COBLL1: variants seen among roughly 807,000 people sequenced by gnomAD.
COBLL1 encodes the protein cordon-bleu WH2 repeat protein like 1, also known as cordon-bleu protein-like 1.
COBLL1 carries 50 observed loss-of-function variants against 94.8 expected under a neutral mutation model. The observed-to-expected ratio is 0.53, with a 90% CI of 0.42 to 0.67. The LOEUF (loss-of-function observed/expected upper bound fraction) is 0.67, where lower values mean the gene tolerates loss of function less well. COBLL1 is among the 30% of genes least tolerant of loss of function. COBLL1 has a pLI of 0.00. For synonymous variants in COBLL1, 448 were observed against 473.8 expected (o/e 0.95, Z 0.71); for missense variants, 1,362 against 1,348.7 (o/e 1.01, Z -0.15).
intron 2 of COBLL1, among the ~76,000 whole-genome samples, chr2:164,819,954 C>A (rs543100630): frequency 6.7e-6 from 1 of 149,814 alleles, no homozygotes; most frequent in African/African-American, 2.5e-5. Flanking sequence ...GCCTCCCAAG[C>A]AGCTGGAATT....
At position 164,699,510 on chromosome 2, in the gene COBLL1, C is replaced by T. The variant is rs145983847; in HGVS notation, c.1461-11G>A. The stretch of plus-strand genomic sequence containing the variant: ...ACACTGTGTGGTTCTCTGGAAGATA[C>T]GACATTGTATGTTATATGTTGATAC... On this transcript the variant is annotated splice_polypyrimidine_tract_variant and intron_variant, in intron 10 of 13. Transcript: ENST00000652658. 3.0e-5 allele frequency: 46 copies of T among 1,516,014 alleles called. No individual in the cohort carries two copies. The highest frequency in any genetic ancestry group is 3.9e-5 in the Non-Finnish European group (43 of 1,091,410). The allele number at this position is 1,516,014 out of a possible 1,614,324, so 93.9% of individuals were successfully genotyped here.
intron 3 of COBLL1, among the ~76,000 whole-genome samples, chr2:164,738,775 T>C (rs1686450610): frequency 6.6e-6 from 1 of 152,196 alleles, no homozygotes; most frequent in African/African-American, 2.4e-5. Context: ...ATCTCTAATC[T>C]GGAAATCCAA....
intron 1 of COBLL1, among the ~76,000 whole-genome samples, chr2:164,670,947 A>G (rs1218346733): frequency 6.6e-6 from 1 of 152,224 alleles, no homozygotes; most frequent in Admixed American, 6.5e-5. Context: ...TGCTTTCACC[A>G]GTATTATCTC....
At chr2:164,715,282 G>A (rs905711527) in intron 7 of COBLL1, among the ~76,000 whole-genome samples, 1 of 152,050 alleles carries the variant, frequency 6.6e-6, no homozygotes, top group Non-Finnish European at 1.5e-5. Context: ...CATATTTTTG[G>A]AAGTATAGAC....
At chr2:164,676,686 T>G (rs60691564), downstream of COBLL1, among the ~76,000 whole-genome samples, 17,051 of 151,352 alleles carry the variant, frequency 0.11, 1,054 homozygotes, top group Non-Finnish European at 0.15. Flanking sequence ...GCTTTTTTTT[T>G]TTCCCCCCCT....
At chr2:164,738,006 G>C (rs1405200918) in intron 3 of COBLL1, among the ~76,000 whole-genome samples, 1 of 152,160 alleles carries the variant, frequency 6.6e-6, no homozygotes, top group Non-Finnish European at 1.5e-5. Flanking sequence ...AGCAAGTCTA[G>C]AACAAACTGT....
Position 164,708,658 on chromosome 2 carries a change from A to G in COBLL1, c.997-3553T>C, listed in dbSNP as rs868030351. On this transcript the variant is annotated intron_variant, in intron 7 of 13. Transcript: ENST00000652658. ...GTCTACAAATCAAAAGCAGTAGAAG[A>G]TGTGATTTTATTTCTCGGATTTACT... is the stretch of plus-strand genomic sequence containing the variant. 3.3e-5 allele frequency among the ~76,000 whole-genome samples: 5 copies of G among 152,208 alleles called. No individual in the cohort carries two copies. In the South Asian group the frequency reaches 1.0e-3, roughly 31 times the overall value.
intron 2 of COBLL1, among the ~76,000 whole-genome samples, chr2:164,782,415 G>GAAAAATT (rs1373450618): frequency 1.3e-4 from 20 of 152,058 alleles, no homozygotes; most frequent in Admixed American, 1.2e-3. Flanking sequence ...TATATCAACT[G>GAAAAATT]AGCAAGAAAG....
intron 3 of COBLL1, among the ~76,000 whole-genome samples, chr2:164,732,429 C>T (rs959738432): frequency 2.6e-5 from 4 of 152,122 alleles, no homozygotes; most frequent in African/African-American, 9.7e-5. Flanking sequence ...TGGTACTCTA[C>T]AAGAGCAATT....
chr2:164,756,519 T>C (rs1687415620), intron 2 of COBLL1, among the ~76,000 whole-genome samples: 3 of 152,210 alleles, frequency 2.0e-5, no homozygotes, highest in Admixed American at 6.5e-5. Context: ...TTTATAAAAG[T>C]TGATAGAGTA....
intron 2 of COBLL1, among the ~76,000 whole-genome samples, chr2:164,786,677 C>T (rs980132756): frequency 6.6e-6 from 1 of 152,122 alleles, no homozygotes; most frequent in East Asian, 1.9e-4. Context: ...CTGTCTCCCT[C>T]AGGAGACAGA....
intron 10 of COBLL1, among the ~76,000 whole-genome samples, chr2:164,699,978 T>C (rs1684164755): frequency 6.6e-6 from 1 of 152,070 alleles, no homozygotes; most frequent in Non-Finnish European, 1.5e-5. Context: ...ATATATGGTT[T>C]ATTTTGCTTG....
At chr2:164,807,308 T>G (rs1312660934) in intron 2 of COBLL1, among the ~76,000 whole-genome samples, 1 of 151,504 alleles carries the variant, frequency 6.6e-6, no homozygotes, top group Non-Finnish European at 1.5e-5. Flanking sequence ...AAAAAATTAG[T>G]CAGGCACGGC....
chr2:164,767,327 T>C (rs1687983137), intron 2 of COBLL1, among the ~76,000 whole-genome samples: 1 of 152,110 alleles, frequency 6.6e-6, no homozygotes, highest in Non-Finnish European at 1.5e-5. Flanking sequence ...TTATGGAAAA[T>C]AGTTTAGGAT....
intron 5 of COBLL1, chr2:164,725,127 T>C (rs1262677355): frequency 7.8e-5 from 7 of 89,258 alleles, no homozygotes; most frequent in Admixed American, 4.1e-4. Context: ...TATATATATA[T>C]ATATATAAAA....
At chr2:164,692,953 AT>A (rs1683693560) in intron 12 of COBLL1, among the ~76,000 whole-genome samples, 2 of 152,104 alleles carry the variant, frequency 1.3e-5, no homozygotes, top group Non-Finnish European at 2.9e-5. Flanking sequence ...ATCATGTTTT[AT>A]TTTTTGCCAT....
rs368366591 is a variant in COBLL1, at chr2:164,841,800, C to T, written c.-141G>A. The stretch of plus-strand genomic sequence containing the variant: ...TTCCCCGGCCCGCGCTCTTGCCGCT[C>T]GGCTCTCAAGCCAGGACTTGAATGG... On this transcript the variant is annotated 5_prime_UTR_variant, in exon 1 of 14. Transcript: ENST00000652658. The surrounding 1 kb of genome is among the most constrained non-coding windows in gnomAD (Gnocchi z 5.5). 3.4e-6 allele frequency: 2 copies of T among 582,402 alleles called. No individual in the cohort carries two copies. The highest frequency in any genetic ancestry group is 3.5e-5 in the Admixed American group (1 of 28,868). The allele number at this position is 582,402 out of a possible 1,614,324, so 36.1% of individuals were successfully genotyped here.
intron 2 of COBLL1, among the ~76,000 whole-genome samples, chr2:164,756,612 G>A (rs377478280): frequency 6.6e-6 from 1 of 152,012 alleles, no homozygotes; most frequent in Non-Finnish European, 1.5e-5. Context: ...TTAGATAATC[G>A]TTGTATAACT....
At chr2:164,757,450 G>A (rs145112914) in intron 2 of COBLL1, among the ~76,000 whole-genome samples, 1 of 151,912 alleles carries the variant, frequency 6.6e-6, no homozygotes, top group African/African-American at 2.4e-5. Context: ...TATCAAAGAG[G>A]AAAATTCCTC....
Sources: gnomAD v4.1 joint callset for allele counts (sites outside exome capture counted in the v4.1 genomes callset) on GRCh38, gnomAD v4.1.1 for gene constraint, Gnocchi (gnomAD v3.1) non-coding constraint, MANE v1.5 for transcripts, NCBI Gene and HGNC (gene_info 2026-07-23, HGNC 2026-07-21) for gene names.